The following THRB variants were observed in gnomAD, a reference collection of about 807,000 sequenced individuals.
THRB encodes nuclear receptor subfamily 1 group A member 2.
Under a neutral mutation model 47.8 loss-of-function variants are expected in THRB, and 12 were observed. The observed-to-expected ratio is 0.25, with a 90% confidence interval of 0.16 to 0.41. THRB has a LOEUF of 0.41. THRB is among the 10% of genes least tolerant of loss of function. THRB has a pLI of 1.00. For missense variants in THRB, 348 were observed against 589.2 expected, an observed-to-expected ratio of 0.59 and a Z score of 4.24; for synonymous variants, 218 against 212.2, an observed-to-expected ratio of 1.03 and a Z score of -0.24.
At chr3:24,185,769 A>G (rs1269331145) in intron 5 of THRB, among the ~76,000 whole-genome samples, 2 of 152,192 alleles carry the variant, frequency 1.3e-5, no homozygotes, top group Non-Finnish European at 2.9e-5. Flanking sequence ...GGATCCATGC[A>G]TCCGTCTAGA....
At chr3:24,426,367 C>G (rs539602584) in intron 1 of THRB, among the ~76,000 whole-genome samples, 1 of 152,012 alleles carries the variant, frequency 6.6e-6, no homozygotes, top group South Asian at 2.1e-4. Context: ...CTACCAAACC[C>G]AGGACATACT....
intron 1 of THRB, among the ~76,000 whole-genome samples, chr3:24,406,056 C>T (rs2067798838): frequency 6.6e-6 from 1 of 151,458 alleles, no homozygotes; most frequent in Admixed American, 6.6e-5. Flanking sequence ...TAAGTAGATA[C>T]TATATTAAAT....
At chr3:24,184,641 C>T (rs1258493166) in intron 5 of THRB, among the ~76,000 whole-genome samples, 1 of 152,110 alleles carries the variant, frequency 6.6e-6, no homozygotes, top group African/African-American at 2.4e-5. Context: ...TATCAAATCA[C>T]ACAGCTATCT....
chr3:24,417,610 G>A (rs2068869624), intron 1 of THRB, among the ~76,000 whole-genome samples: 1 of 151,790 alleles, frequency 6.6e-6, no homozygotes, highest in South Asian at 2.1e-4. Context: ...CATTCCTCAG[G>A]TATAAGCAAC....
At chr3:24,436,654 C>A (rs1230388086) in intron 1 of THRB, among the ~76,000 whole-genome samples, 1 of 152,124 alleles carries the variant, frequency 6.6e-6, no homozygotes. Context: ...TCTTGCACTG[C>A]CCTTGAACAT....
intron 1 of THRB, among the ~76,000 whole-genome samples, chr3:24,479,678 G>A (rs943902595): frequency 4.6e-5 from 7 of 152,090 alleles, no homozygotes; most frequent in African/African-American, 7.2e-5. Flanking sequence ...CCAGCTAAAC[G>A]CAGTTTGCCC....
At position 24,224,709 on chromosome 3, in the gene THRB, T is replaced by C. The variant is rs142723138; in HGVS notation, c.22+4229A>G. On this transcript the variant is annotated intron_variant, in intron 4 of 10. Transcript: ENST00000646209. ...CAAAACACAAAATGCACTGCCTCAG[T>C]GTTCACTTTTTCTTTATACTCAACC... Among the ~76,000 whole-genome samples the C allele has an allele frequency of 4.6e-5, 7 of 152,352 alleles. No individual in the cohort carries two copies. In the East Asian group the frequency reaches 1.3e-3, roughly 29 times the overall value.
chr3:24,160,733 C>T (rs1000566865), intron 5 of THRB, among the ~76,000 whole-genome samples: 10 of 152,122 alleles, frequency 6.6e-5, no homozygotes, highest in Non-Finnish European at 4.4e-5. Flanking sequence ...GGGCGGGAAG[C>T]GGCTTGACTT....
At chr3:24,240,364 G>T (rs1357921736) in intron 3 of THRB, among the ~76,000 whole-genome samples, 1 of 152,134 alleles carries the variant, frequency 6.6e-6, no homozygotes, top group Admixed American at 6.5e-5. Context: ...GCGTCAAATG[G>T]GGAGGCTGTG....
At chr3:24,276,035 C>G (rs2053881975) in intron 3 of THRB, among the ~76,000 whole-genome samples, 1 of 150,580 alleles carries the variant, frequency 6.6e-6, no homozygotes, top group Non-Finnish European at 1.5e-5. Context: ...TCCCTGCAGT[C>G]TTCTACTTTT....
intron 1 of THRB, among the ~76,000 whole-genome samples, chr3:24,491,777 CTT>C (rs1325230294): frequency 6.6e-6 from 1 of 152,290 alleles, no homozygotes; most frequent in Non-Finnish European, 1.5e-5. Context: ...GAATTTCACT[CTT>C]AGCACTGGCA....
chr3:24,449,238 G>A (rs1158157171), intron 1 of THRB, among the ~76,000 whole-genome samples: 1 of 152,134 alleles, frequency 6.6e-6, no homozygotes, highest in African/African-American at 2.4e-5. Context: ...TATAAGGAGT[G>A]TTCCTTATTT....
intron 1 of THRB, among the ~76,000 whole-genome samples, chr3:24,408,084 A>G (rs1272058575): frequency 6.6e-6 from 1 of 151,926 alleles, no homozygotes; most frequent in African/African-American, 2.4e-5. Context: ...ATTCTGTCAG[A>G]TTGAACAACT....
At chr3:24,373,374 G>C (rs1560045154) in intron 1 of THRB, among the ~76,000 whole-genome samples, 1 of 152,068 alleles carries the variant, frequency 6.6e-6, no homozygotes, top group Admixed American at 6.6e-5. Flanking sequence ...TTTCTGAAAG[G>C]CACTGGGTAT....
At chr3:24,286,333 G>A (rs1413128670) in intron 3 of THRB, among the ~76,000 whole-genome samples, 1 of 152,152 alleles carries the variant, frequency 6.6e-6, no homozygotes, top group Non-Finnish European at 1.5e-5. Flanking sequence ...TCTAAGGAAA[G>A]CATTATATTT....
chr3:24,205,023 C>T (rs570991507), intron 4 of THRB, among the ~76,000 whole-genome samples: 16 of 152,184 alleles, frequency 1.1e-4, no homozygotes, highest in African/African-American at 3.4e-4. Flanking sequence ...AAATCTACAT[C>T]TGATTGGTGT....
At chr3:24,181,843 A>C (rs2041936188) in intron 5 of THRB, among the ~76,000 whole-genome samples, 1 of 152,188 alleles carries the variant, frequency 6.6e-6, no homozygotes, top group Admixed American at 6.5e-5. Flanking sequence ...AATCTTATCC[A>C]ATTCATCCAT....
Position 24,131,270 on chromosome 3 carries a change from A to G in THRB, c.885+2046T>C, listed in dbSNP as rs189599003. ...AAAATAGGTGCCAAAATCTTGTGGT[A>G]GTGTTACCATAAATCATTACCTTTA... On this transcript the variant is annotated intron_variant, in intron 9 of 10. Coordinates refer to ENST00000646209, the MANE Select transcript of THRB (RefSeq NM_001354712.2). Among the ~76,000 whole-genome samples the G allele has an allele frequency of 1.4e-3, 208 of 152,372 alleles. 1 individual carries two copies. The highest frequency in any genetic ancestry group is 1.8e-3 in the Non-Finnish European group (120 of 68,036).
intron 2 of THRB, among the ~76,000 whole-genome samples, chr3:24,298,785 C>T (rs903846581): frequency 1.3e-5 from 2 of 152,160 alleles, no homozygotes; most frequent in Non-Finnish European, 2.9e-5. Context: ...CGTCTCTCAC[C>T]TTTGTAACCT....
Sources: allele counts gnomAD v4.1 joint callset (sites outside exome capture counted in the v4.1 genomes callset), GRCh38; gene constraint gnomAD v4.1.1; transcripts MANE v1.5; gene names NCBI Gene and HGNC (gene_info 2026-07-23, HGNC 2026-07-21).